TECRL: variants seen among roughly 807,000 people sequenced by gnomAD.
TECRL encodes the protein trans-2,3-enoyl-CoA reductase like, also known as trans-2,3-enoyl-CoA reductase-like.
TECRL carries 63 observed loss-of-function variants against 52.8 expected under a neutral mutation model. The ratio of observed to expected loss-of-function variants is 1.19; its 90% CI spans 0.97 to 1.47. The LOEUF (loss-of-function observed/expected upper bound fraction) is 1.47. TECRL is among the 40% of genes most tolerant of loss of function. The pLI is 0.00. For missense variants in TECRL, 482 were observed against 429.6 expected (o/e 1.12, Z -1.08); for synonymous variants, 164 against 141.9 (o/e 1.16, Z -1.10).
intron 8 of TECRL, among the ~76,000 whole-genome samples, chr4:64,293,957 G>A (rs1360144669): frequency 6.7e-6 from 1 of 148,248 alleles, no homozygotes; most frequent in Non-Finnish European, 1.5e-5. Context: ...TTAATTTTTG[G>A]CAGGTGCTAC....
rs555448694 is a variant in TECRL, at chr4:64,319,617, A to G, written c.435+3072T>C. On this transcript the variant is annotated intron_variant, in intron 4 of 11. Coordinates refer to ENST00000381210, the MANE Select transcript of TECRL (RefSeq NM_001010874.5). ...AGACTCAACACTGTATCCCAGATAA[A>G]TTTTTTAAAAAGTTCATACAAATAC... is the stretch of plus-strand genomic sequence containing the variant. Among the ~76,000 whole-genome samples the G allele has an allele frequency of 3.9e-5, 6 of 151,964 alleles. No individual in the cohort carries two copies. In the South Asian group the frequency reaches 1.2e-3, roughly 32 times the overall value.
intron 1 of TECRL, among the ~76,000 whole-genome samples, chr4:64,377,517 A>T (rs1322114261): frequency 6.6e-6 from 1 of 152,048 alleles, no homozygotes; most frequent in Non-Finnish European, 1.5e-5. Flanking sequence ...TTCCATAATT[A>T]TACAGATGGG....
intron 2 of TECRL, among the ~76,000 whole-genome samples, chr4:64,361,980 G>A (rs939096973): frequency 7.2e-5 from 11 of 152,088 alleles, no homozygotes; most frequent in African/African-American, 2.2e-4. Flanking sequence ...TGTATTAAAA[G>A]ATGACATAGC....
intron 8 of TECRL, among the ~76,000 whole-genome samples, chr4:64,298,392 AT>A (rs1330462589): frequency 6.6e-6 from 1 of 151,228 alleles, no homozygotes; most frequent in Non-Finnish European, 1.5e-5. Flanking sequence ...CAGTAGCTTT[AT>A]AAGAAAGCAG....
chr4:64,339,632 T>C lies in TECRL; in HGVS notation c.287-11076A>G, dbSNP rs1221931453. On this transcript the variant is annotated intron_variant, in intron 2 of 11. Coordinates refer to ENST00000381210, the MANE Select transcript of TECRL (RefSeq NM_001010874.5). ...ATTTACTTATCAATGTTGATGATTTTAACATCACTTTAATTTTCTGCCCTT... is the reference window on the plus strand; with the variant it reads ...ATTTACTTATCAATGTTGATGATTTCAACATCACTTTAATTTTCTGCCCTT... Among the ~76,000 whole-genome samples, 8 of 152,178 alleles carry C rather than the reference T, an allele frequency of 5.3e-5. No individual in the cohort carries two copies. The East Asian group carries it at 1.5e-3, about 29-fold the overall frequency.
intron 4 of TECRL, among the ~76,000 whole-genome samples, chr4:64,320,601 G>A (rs1717831663): frequency 6.6e-6 from 1 of 151,932 alleles, no homozygotes; most frequent in South Asian, 2.1e-4. Context: ...TTCCACTATA[G>A]TGTGTTTTCT....
chr4:64,293,449 A>G (rs1237324771), intron 8 of TECRL, among the ~76,000 whole-genome samples: 1 of 152,104 alleles, frequency 6.6e-6, no homozygotes, highest in Non-Finnish European at 1.5e-5. Context: ...TTAAAAAAAT[A>G]CACCCTGTTA....
intron 1 of TECRL, among the ~76,000 whole-genome samples, chr4:64,395,994 AG>A (rs1230649565): frequency 3.9e-5 from 6 of 152,170 alleles, no homozygotes; most frequent in African/African-American, 1.4e-4. Context: ...GTTGCTACAA[AG>A]GACATGAGTC....
intron 1 of TECRL, among the ~76,000 whole-genome samples, chr4:64,398,336 T>C (rs969687483): frequency 6.6e-6 from 1 of 152,182 alleles, no homozygotes; most frequent in African/African-American, 2.4e-5. Flanking sequence ...ATACTGGAGA[T>C]GTAGCCTGGT....
intron 6 of TECRL, 121 bp from the exon 7 acceptor site, chr4:64,305,359 G>C (rs1560484545): frequency 1.4e-6 from 1 of 732,302 alleles, no homozygotes; most frequent in Non-Finnish European, 2.3e-6. Context: ...ATTTATATTA[G>C]ACACTGCAGC....
At chr4:64,357,610 A>G (rs571737168) in intron 2 of TECRL, among the ~76,000 whole-genome samples, 1 of 151,504 alleles carries the variant, frequency 6.6e-6, no homozygotes, top group African/African-American at 2.4e-5. Context: ...ATGAAAAGAA[A>G]AGTTAAAATA....
At chr4:64,375,926 TG>T (rs1014969663) in intron 1 of TECRL, among the ~76,000 whole-genome samples, 11 of 152,022 alleles carry the variant, frequency 7.2e-5, no homozygotes, top group African/African-American at 2.4e-4. Flanking sequence ...CTTTTTTTTC[TG>T]AATTTGTCTC....
At chr4:64,356,277 C>A (rs1720763401) in intron 2 of TECRL, among the ~76,000 whole-genome samples, 1 of 152,068 alleles carries the variant, frequency 6.6e-6, no homozygotes, top group African/African-American at 2.4e-5. Context: ...ACCTGACCGT[C>A]CCCCAGCCCA....
At chr4:64,300,889 T>C (rs1182383807) in intron 7 of TECRL, among the ~76,000 whole-genome samples, 4 of 151,010 alleles carry the variant, frequency 2.6e-5, no homozygotes, top group African/African-American at 9.7e-5. Flanking sequence ...AAAACATTAA[T>C]CATAGAATGG....
chr4:64,330,581 A>AT (rs1479405138), intron 2 of TECRL, among the ~76,000 whole-genome samples: 1 of 152,086 alleles, frequency 6.6e-6, no homozygotes, highest in East Asian at 1.9e-4. Flanking sequence ...GACAGGAAGA[A>AT]TACTTGACCC....
rs566309971 is a variant in TECRL at position 64,375,066 on chromosome 4, C to T, written c.286+106G>A. On this transcript the variant is annotated intron_variant, in intron 2 of 11. Coordinates refer to ENST00000381210, the MANE Select transcript of TECRL (RefSeq NM_001010874.5). ...TATTGTTCCTGAGCTCCTTGTAGAA[C>T]TATGGTTTTCATACACTCTAACATA... 6.4e-5 allele frequency: 29 copies of T among 451,888 alleles called. No homozygotes were observed. In the South Asian group the frequency reaches 1.6e-3, roughly 24 times the overall value. The allele number at this position is 451,888 out of a possible 1,614,324, so 28.0% of individuals were successfully genotyped here.
At chr4:64,332,983 A>G (rs1468826016) in intron 2 of TECRL, among the ~76,000 whole-genome samples, 1 of 152,034 alleles carries the variant, frequency 6.6e-6, no homozygotes, top group Non-Finnish European at 1.5e-5. Context: ...ATATATCAAG[A>G]TAAATATTAA....
intron 2 of TECRL, among the ~76,000 whole-genome samples, chr4:64,336,297 C>A (rs1252664123): frequency 6.6e-6 from 1 of 152,074 alleles, no homozygotes; most frequent in Non-Finnish European, 1.5e-5. Context: ...AGTTTATTTG[C>A]GTAGAGGTGT....
At position 64,288,400 on chromosome 4, in the gene TECRL, A is replaced by T. The variant is rs6848538; in HGVS notation, c.832+1310T>A. On this transcript the variant is annotated intron_variant, in intron 9 of 11. Coordinates refer to ENST00000381210, the MANE Select transcript of TECRL (RefSeq NM_001010874.5). The stretch of plus-strand genomic sequence containing the variant: ...ACAGGAGAAGTTGCTGAAGAACTCA[A>T]CATCGACCGTTCTACAGTCCTCAGG... Among the ~76,000 whole-genome samples, 83 of 152,098 alleles carry T rather than the reference A, an allele frequency of 5.5e-4. 2 individuals are homozygous for T. The South Asian group carries it at 0.017, about 31-fold the overall frequency.
Sources: gnomAD v4.1 joint callset for allele counts (sites outside exome capture counted in the v4.1 genomes callset) on GRCh38, gnomAD v4.1.1 for gene constraint, MANE v1.5 for transcripts, NCBI Gene and HGNC (gene_info 2026-07-23, HGNC 2026-07-21) for gene names.